The following MRAP2 variants were observed in gnomAD, a reference collection of about 807,000 sequenced individuals.
MRAP2 encodes melanocortin 2 receptor accessory protein 2.
In MRAP2, 20 loss-of-function variants were observed where a neutral mutation model predicts 17.4. The observed-to-expected ratio is 1.15, with a 90% confidence interval of 0.81 to 1.67. MRAP2 has a LOEUF of 1.67. Among genes scored for constraint, MRAP2 ranks in the 40% most tolerant of loss-of-function variants. The pLI is 0.00. For missense variants in MRAP2, 238 were observed against 240.0 expected (o/e 0.99, Z 0.05); for synonymous variants, 96 against 88.4 (o/e 1.09, Z -0.48).
At chr6:84,073,003 G>A (rs1002054683) in intron 3 of MRAP2, among the ~76,000 whole-genome samples, 21 of 152,046 alleles carry the variant, frequency 1.4e-4, no homozygotes, top group African/African-American at 4.3e-4. Context: ...TACCCTCCCC[G>A]CAGCTGCAAA....
chr6:84,035,662 G>A (rs759521626), intron 1 of MRAP2, among the ~76,000 whole-genome samples: 1 of 152,210 alleles, frequency 6.6e-6, no homozygotes, highest in African/African-American at 2.4e-5. Flanking sequence ...CTCTGCGTGA[G>A]TGTTCATACC....
chr6:84,092,762 C>G (rs114824170), downstream of MRAP2, among the ~76,000 whole-genome samples: 196 of 152,090 alleles, frequency 1.3e-3, 2 homozygotes, highest in African/African-American at 4.4e-3. Flanking sequence ...AGGTGGGTTT[C>G]GCATCCCAAG....
At chr6:84,106,871 C>G in the MRAP2 span, among the ~76,000 whole-genome samples, 77 of 152,228 alleles carry the variant, frequency 5.1e-4, no homozygotes, top group African/African-American at 1.7e-3. Flanking sequence ...TCATGATAGA[C>G]AGCTTAGTTT....
intron 2 of MRAP2, among the ~76,000 whole-genome samples, chr6:84,059,480 C>G (rs2099492536): frequency 6.6e-6 from 1 of 152,170 alleles, no homozygotes; most frequent in Non-Finnish European, 1.5e-5. Flanking sequence ...TTTCATATAA[C>G]CACGAAGTGG....
At chr6:84,058,409 C>T (rs1349893872) in intron 2 of MRAP2, among the ~76,000 whole-genome samples, 1 of 152,172 alleles carries the variant, frequency 6.6e-6, no homozygotes, top group Non-Finnish European at 1.5e-5. Flanking sequence ...AGATTTATGA[C>T]CTGAGTAACT....
At chr6:84,037,513 C>T (rs1048894643) in intron 1 of MRAP2, among the ~76,000 whole-genome samples, 8 of 150,906 alleles carry the variant, frequency 5.3e-5, no homozygotes, top group African/African-American at 9.9e-5. Flanking sequence ...TGGGACCAGG[C>T]GCCATGGAGC....
chr6:84,124,747 C>G, the MRAP2 span: 3 of 307,136 alleles, frequency 9.8e-6, no homozygotes, highest in African/African-American at 6.8e-5. Flanking sequence ...TTAAAAACCT[C>G]ACATTATCAA....
At chr6:84,126,332 T>G in the MRAP2 span, 4 of 1,406,838 alleles carry the variant, frequency 2.8e-6, no homozygotes, top group Non-Finnish European at 2.8e-6. Flanking sequence ...TTAAAGGCAC[T>G]TAAAAGTAAA....
chr6:84,053,093 G>T (rs1000687637), intron 1 of MRAP2, among the ~76,000 whole-genome samples: 3 of 152,156 alleles, frequency 2.0e-5, no homozygotes, highest in Non-Finnish European at 4.4e-5. Flanking sequence ...CCACAAATGG[G>T]GGTCCCCACC....
chr6:84,047,562 G>A (rs898257610), intron 1 of MRAP2, among the ~76,000 whole-genome samples: 1 of 151,802 alleles, frequency 6.6e-6, no homozygotes, highest in East Asian at 1.9e-4. Flanking sequence ...AATATAAAAT[G>A]TACCATTTTT....
At chr6:84,098,774 G>A in the MRAP2 span, among the ~76,000 whole-genome samples, 1 of 152,074 alleles carries the variant, frequency 6.6e-6, no homozygotes, top group Non-Finnish European at 1.5e-5. Context: ...TGCCTTTCAA[G>A]TCTTTGTCCC....
intron 3 of MRAP2, among the ~76,000 whole-genome samples, chr6:84,083,137 C>T (rs541919424): frequency 6.6e-6 from 1 of 152,200 alleles, no homozygotes; most frequent in East Asian, 1.9e-4. Context: ...GCTCTCATGG[C>T]GACTGGCAAA....
the MRAP2 span, among the ~76,000 whole-genome samples, chr6:84,128,067 TTTTGTC>T: frequency 6.6e-6 from 1 of 152,182 alleles, no homozygotes; most frequent in African/African-American, 2.4e-5. Context: ...GAGCAAAGAT[TTTTGTC>T]TTTGTTCACC....
downstream of MRAP2, among the ~76,000 whole-genome samples, chr6:84,091,060 C>A (rs2099501683): frequency 6.6e-6 from 1 of 151,938 alleles, no homozygotes; most frequent in Non-Finnish European, 1.5e-5. Context: ...TAAAAGAAAT[C>A]CCTTTTCTAT....
At chr6:84,088,607 T>C (rs1473615636) in intron 3 of MRAP2, among the ~76,000 whole-genome samples, 1 of 152,222 alleles carries the variant, frequency 6.6e-6, no homozygotes, top group Admixed American at 6.5e-5. Context: ...AAATATTTAA[T>C]GTACCCCTAT....
chr6:84,033,638 G>A, upstream of MRAP2: 1 of 974,068 alleles, frequency 1.0e-6, no homozygotes, highest in Non-Finnish European at 1.2e-6. Flanking sequence ...CTTGGCCAAG[G>A]CGGCCTCGCG....
the MRAP2 span, among the ~76,000 whole-genome samples, chr6:84,112,599 T>A: frequency 6.6e-6 from 1 of 152,322 alleles, no homozygotes; most frequent in East Asian, 1.9e-4. Context: ...TATGTCTCTG[T>A]CTTCTTCAGT....
chr6:84,091,192 T>A (rs1438773991), downstream of MRAP2, among the ~76,000 whole-genome samples: 1 of 152,088 alleles, frequency 6.6e-6, no homozygotes, highest in Non-Finnish European at 1.5e-5. Flanking sequence ...TTTCATGAAT[T>A]TTTTATGCAA....
chr6:84,040,090 G>A (rs554211769), intron 1 of MRAP2, among the ~76,000 whole-genome samples: 38 of 152,292 alleles, frequency 2.5e-4, no homozygotes, highest in Admixed American at 6.5e-4. Context: ...CCCATGTGTC[G>A]TGGGAGGGAC....
Sources: gnomAD v4.1 joint callset for allele counts (sites outside exome capture counted in the v4.1 genomes callset) on GRCh38, gnomAD v4.1.1 for gene constraint, MANE v1.5 for transcripts, NCBI Gene and HGNC (gene_info 2026-07-23, HGNC 2026-07-21) for gene names.